Variants in HDAC2 observed in about 807,000 individuals in gnomAD.
The protein encoded by HDAC2 is YY1-associated factor 1.
Under a neutral mutation model 68.5 loss-of-function variants are expected in HDAC2, and 5 were observed. That is an observed-to-expected ratio of 0.07 (90% confidence interval 0.04 to 0.15). The LOEUF (loss-of-function observed/expected upper bound fraction) is 0.15. HDAC2 is among the 10% of genes least tolerant of loss of function. The probability of loss-of-function intolerance (pLI) is 1.00; values close to 1 mark genes in which losing one functional copy is unlikely to be tolerated. For missense variants in HDAC2, 291 were observed against 600.8 expected, an observed-to-expected ratio of 0.48 and a Z score of 5.39; for synonymous variants, 182 against 191.3, an observed-to-expected ratio of 0.95 and a Z score of 0.40.
At position 113,948,942 on chromosome 6, in the gene HDAC2, A is replaced by AT. The variant is rs765840942; in HGVS notation, c.841+36dup. ...GGAGTTCTTGGGTGGAAGAAAAACC[A>AT]TTTTTTTCTGGAAATACCACCCTTT... is the stretch of plus-strand genomic sequence containing the variant. On this transcript the variant is annotated intron_variant, in intron 8 of 13. Coordinates refer to ENST00000519065, the MANE Select transcript of HDAC2 (RefSeq NM_001527.4). 1.7e-5 allele frequency: 28 copies of AT among 1,601,036 alleles called. 1 individual carries two copies. The highest frequency in any genetic ancestry group is 5.4e-5 in the African/African-American group (4 of 74,348).
chr6:113,935,932 C>T lies in HDAC2; in HGVS notation c.*5126G>A, dbSNP rs978813655. 1 of 152,156 alleles carries T rather than the reference C, an allele frequency of 6.6e-6. No individual in the cohort carries two copies. Among genetic ancestry groups the T allele is most frequent in the African/African-American group, 2.4e-5 (1 of 41,442 alleles). 9.4% of individuals were successfully genotyped at this position (152,156 alleles called of 1,614,324 possible). A position where few individuals can be genotyped will look rare whatever the true frequency, so the allele number is the denominator to read the frequency against. On this transcript the variant is annotated 3_prime_UTR_variant, in exon 14 of 14. Transcript: ENST00000519065. ...ATTAACTTCACTATAACTATAATTC[C>T]TAGAAATAAATTTCAATTCTTTCCC...
chr6:113,952,841 A>C (rs1776452535), intron 6 of HDAC2, among the ~76,000 whole-genome samples: 2 of 152,202 alleles, frequency 1.3e-5, no homozygotes, highest in Non-Finnish European at 2.9e-5. Flanking sequence ...AGAAGCTTAA[A>C]GAAAAAAAAA....
intron 6 of HDAC2, among the ~76,000 whole-genome samples, chr6:113,950,825 C>A (rs908501245): frequency 1.1e-4 from 16 of 152,212 alleles, no homozygotes; most frequent in African/African-American, 3.6e-4. Context: ...TAGCTTCAGT[C>A]CAATTTTACA....
chr6:113,959,031 G>C (rs1226838080), intron 2 of HDAC2, among the ~76,000 whole-genome samples: 1 of 152,014 alleles, frequency 6.6e-6, no homozygotes, highest in Non-Finnish European at 1.5e-5. Flanking sequence ...GAAACAGTTC[G>C]AGTAAAAAGT....
In HDAC2 at chr6:113,937,100, TA is replaced by T. The variant is rs1363424487; in HGVS notation, c.*3957del. On this transcript the variant is annotated 3_prime_UTR_variant, in exon 14 of 14. Transcript: ENST00000519065. ...GTAGGGACTATTATTTTCCTCATTT[TA>T]AATGATGAAGCAACTGAGGCACAGA... The T allele has an allele frequency of 2.0e-5, 3 of 152,356 alleles. No homozygotes were observed. Among genetic ancestry groups the T allele is most frequent in the Admixed American group, 2.0e-4 (3 of 15,306 alleles). The allele number at this position is 152,356 out of a possible 1,614,324, so 9.4% of individuals were successfully genotyped here. A position where few individuals can be genotyped will look rare whatever the true frequency, so the allele number is the denominator to read the frequency against.
chr6:113,970,516 G>A, intron 1 of HDAC2: 11 of 1,185,424 alleles, frequency 9.3e-6, no homozygotes, highest in Non-Finnish European at 1.1e-5. Flanking sequence ...AGAAGGGAGA[G>A]AATGGGCCGC....
intron 1 of HDAC2, among the ~76,000 whole-genome samples, chr6:113,961,752 G>T (rs973438638): frequency 3.9e-5 from 6 of 152,074 alleles, no homozygotes; most frequent in Admixed American, 6.5e-5. Context: ...TAATACAAGG[G>T]AAGGCATTTC....
chr6:113,958,760 G>A lies in HDAC2; in HGVS notation c.172C>T (p.His58Tyr), dbSNP rs762681676. The A allele has an allele frequency of 6.4e-7, 1 of 1,570,732 alleles. No individual in the cohort carries two copies. The highest frequency in any genetic ancestry group is 1.7e-5 in the Admixed American group (1 of 59,618). ...LYRKMEIYRP[H>Y]KATAEEMTKY... ...GTCATTTCTTCGGCAGTGGCTTTAT[G>A]GGGCCTCTGTGAAGAGAAATAAATG... is the stretch of plus-strand genomic sequence containing the variant. Residue 58 changes from histidine (H) to tyrosine (Y), a missense_variant, in exon 3 of 14, where the codon CAT (histidine) becomes TAT (tyrosine). Around this residue, in one of 2 missense-constraint regions of HDAC2, gnomAD observed 154 missense variants for 472.1 expected, o/e 0.33. Transcript: ENST00000519065.
intron 8 of HDAC2, chr6:113,948,654 C>T (rs536575455): frequency 3.2e-5 from 7 of 219,168 alleles, no homozygotes; most frequent in African/African-American, 1.4e-4. Context: ...CCTCTTCTTC[C>T]TTAATGAGAA....
chr6:113,948,819 A>AT, intron 8 of HDAC2, 160 bp downstream of exon 8: 2 of 641,966 alleles, frequency 3.1e-6, no homozygotes. Context: ...TGAAACAAGA[A>AT]TAACTCTAGT....
At chr6:113,941,228 T>C in intron 13 of HDAC2, 140 bp from the exon 14 acceptor site, 1 of 507,828 alleles carries the variant, frequency 2.0e-6, no homozygotes, top group African/African-American at 2.0e-5. Flanking sequence ...TCTGGAGTAA[T>C]TAATGCCTTA....
intron 13 of HDAC2, 46 bp downstream of exon 13, chr6:113,941,662 T>A: frequency 1.4e-6 from 1 of 728,588 alleles, no homozygotes; most frequent in Non-Finnish European, 2.2e-6. Flanking sequence ...ACATGTTTAG[T>A]ATTTTTATAG....
rs1445083399 is a variant in HDAC2 at position 113,937,425 on chromosome 6, G to A, written c.*3633C>T. ...AGCTTAGAGTACCAATGCTGACTTA[G>A]AACAGCATTCACCCATGCCATAGAG... On this transcript the variant is annotated 3_prime_UTR_variant, in exon 14 of 14. Coordinates refer to ENST00000519065, the MANE Select transcript of HDAC2 (RefSeq NM_001527.4). 6.6e-6 allele frequency: 1 copy of A among 152,178 alleles called. No individual in the cohort carries two copies. The highest frequency in any genetic ancestry group is 1.5e-5 in the Non-Finnish European group (1 of 68,026). 9.4% of individuals were successfully genotyped at this position (152,178 alleles called of 1,614,324 possible).
intron 13 of HDAC2, 44 bp downstream of exon 13, chr6:113,941,663 AT>A: frequency 1.3e-6 from 1 of 743,928 alleles, no homozygotes; most frequent in Non-Finnish European, 2.2e-6. Context: ...CATGTTTAGT[AT>A]TTTTATAGTA....
chr6:113,941,911 G>C (rs1014472710), intron 12 of HDAC2, 146 bp from the exon 13 acceptor site: 6 of 282,000 alleles, frequency 2.1e-5, no homozygotes, highest in African/African-American at 1.3e-4. Flanking sequence ...GCTTTGTGTT[G>C]GGTGTTTCCT....
intron 1 of HDAC2, chr6:113,970,449 G>T: frequency 1.9e-6 from 2 of 1,056,452 alleles, no homozygotes; most frequent in Non-Finnish European, 2.3e-6. Context: ...CGGGTCGAGG[G>T]GGTAGGAGGC....
intron 1 of HDAC2, chr6:113,970,324 G>A (rs1403418892): frequency 3.6e-5 from 13 of 364,004 alleles, no homozygotes; most frequent in South Asian, 1.1e-4. Flanking sequence ...CGAACGCAGG[G>A]TAGGGGAGGC....
chr6:113,966,621 G>A (rs543127432), intron 1 of HDAC2, among the ~76,000 whole-genome samples: 47 of 150,822 alleles, frequency 3.1e-4, no homozygotes, highest in Non-Finnish European at 4.7e-4. Context: ...AAAAAGCTAC[G>A]TTTTTAAATG....
Position 113,955,992 on chromosome 6 carries a change from T to C in HDAC2, c.497+21A>G, listed in dbSNP as rs968107503. ...GAAAACACTTTATCACTGAAAAGAG[T>C]ATCAATATAAATTAACATACTTTAG... On this transcript the variant is annotated intron_variant, in intron 5 of 13. Coordinates refer to ENST00000519065, the MANE Select transcript of HDAC2 (RefSeq NM_001527.4). The C allele has an allele frequency of 5.8e-6, 9 of 1,551,330 alleles. No homozygotes were observed. The African/African-American group carries it at 1.2e-4, about 21-fold the overall frequency.
Sources: gnomAD v4.1 joint callset for allele counts (sites outside exome capture counted in the v4.1 genomes callset) on GRCh38, gnomAD v4.1.1 for gene constraint, gnomAD v4.1.1 regional missense constraint, MANE v1.5 for transcripts, NCBI Gene and HGNC (gene_info 2026-07-23, HGNC 2026-07-21) for gene names.